The following SVEP1 variants were observed in gnomAD, a reference collection of about 807,000 sequenced individuals.
SVEP1 encodes sushi, von Willebrand factor type A, EGF and pentraxin domain containing 1, also known as sushi, von Willebrand factor type A, EGF and pentraxin domain-containing protein 1.
Under a neutral mutation model 367.3 loss-of-function variants are expected in SVEP1, and 164 were observed. The observed-to-expected ratio is 0.45, with a 90% CI of 0.39 to 0.51. The LOEUF (loss-of-function observed/expected upper bound fraction) is 0.51, where lower values mean the gene tolerates loss of function less well. Ranked by LOEUF, SVEP1 falls within the 20% of genes least tolerant of loss-of-function variation. The pLI, the probability that SVEP1 is intolerant of heterozygous loss-of-function variation, is 0.00. For missense variants in SVEP1, 4,117 were observed against 4,425.3 expected (o/e 0.93, Z 1.98); for synonymous variants, 1,666 against 1,611.6 (o/e 1.03, Z -0.81).
chr9:110,495,206 A>C (rs1468261660), intron 8 of SVEP1, among the ~76,000 whole-genome samples: 1 of 152,116 alleles, frequency 6.6e-6, no homozygotes, highest in African/African-American at 2.4e-5. Flanking sequence ...AGCACATTCA[A>C]GTTCTTCCCC....
chr9:110,489,620 A>G, intron 9 of SVEP1, 30 bp downstream of exon 9: 1 of 1,591,556 alleles, frequency 6.3e-7, no homozygotes, highest in Non-Finnish European at 8.6e-7. Context: ...TGACGTTTGG[A>G]TGGGGAAACA....
chr9:110,375,455 T>C lies in SVEP1; in HGVS notation c.10513A>G (p.Ile3505Val), dbSNP rs1588018531. 1 of 998,852 alleles carries C rather than the reference T, an allele frequency of 1.0e-6. No homozygotes were observed. The highest frequency in any genetic ancestry group is 1.4e-6 in the Non-Finnish European group (1 of 735,726). The allele number at this position is 998,852 out of a possible 1,614,324, so 61.9% of individuals were successfully genotyped here. A position where few individuals can be genotyped will look rare whatever the true frequency, so the allele number is the denominator to read the frequency against. ...MGRLCEEPIC[I>V]LPCLNGGRCV... ...CGACCTCCGTTCAGACAGGGAAGAATGCAGATTGCTAAAAAAAAAAAAAAA... is the reference window on the plus strand; with the variant it reads ...CGACCTCCGTTCAGACAGGGAAGAACGCAGATTGCTAAAAAAAAAAAAAAA... Residue 3505 changes from isoleucine (I) to valine (V), a missense_variant, in exon 46 of 48, where the codon ATT becomes GTT. Physicochemically the swap from Ile to Val is conservative, Grantham distance 29. Coordinates refer to ENST00000374469, the MANE Select transcript of SVEP1 (RefSeq NM_153366.4).
intron 47 of SVEP1, among the ~76,000 whole-genome samples, chr9:110,368,890 T>C (rs1477161155): frequency 1.3e-5 from 2 of 152,202 alleles, no homozygotes; most frequent in African/African-American, 4.8e-5. Flanking sequence ...TTTTTTGTTG[T>C]TGTTAGGTTT....
Position 110,386,054 on chromosome 9 carries a change from A to C in SVEP1, c.10081T>G (p.Phe3361Val). 1 of 1,613,620 alleles carries C rather than the reference A, an allele frequency of 6.2e-7. No homozygotes were observed. Among genetic ancestry groups the C allele is most frequent in the Non-Finnish European group, 8.5e-7 (1 of 1,179,708 alleles). Residue 3361 changes from phenylalanine (F) to valine (V), a missense_variant, in exon 43 of 48, where the codon TTT becomes GTT. By Grantham distance (50) the Phe-to-Val change is conservative. This residue lies in a region of SVEP1 where 1,765 missense variants were observed against 1,781.1 expected (regional missense o/e 0.99). Transcript: ENST00000374469. Reference protein sequence around the residue: ...LCKPNPCPVPFVIPENALLSE... With the variant: ...LCKPNPCPVPVVIPENALLSE... Reference sequence around the variant, plus strand: ...AGCAGAGCATTCTCGGGAATCACAAAAGGAACAGGGCATGGATTTGCTGTC... The same window carrying C: ...AGCAGAGCATTCTCGGGAATCACAACAGGAACAGGGCATGGATTTGCTGTC...
At chr9:110,446,152 G>C (rs1828594469) in intron 25 of SVEP1, 114 bp from the exon 26 acceptor site, 2 of 929,546 alleles carry the variant, frequency 2.2e-6, no homozygotes, top group Non-Finnish European at 3.2e-6. Context: ...GATTATCTAA[G>C]AAGCAGTTTC....
chr9:110,545,325 T>G (rs1357903741), intron 3 of SVEP1, among the ~76,000 whole-genome samples: 1 of 152,190 alleles, frequency 6.6e-6, no homozygotes, highest in East Asian at 1.9e-4. Context: ...TCTTTTTAGT[T>G]TTTTGAGGAA....
At chr9:110,541,894 GATATCTATAT>G (rs1208993117) in intron 3 of SVEP1, among the ~76,000 whole-genome samples, 2 of 140,592 alleles carry the variant, frequency 1.4e-5, no homozygotes, top group South Asian at 2.2e-4. Context: ...TATATACATA[GATATCTATAT>G]ATATCTATAT....
intron 7 of SVEP1, among the ~76,000 whole-genome samples, chr9:110,498,817 T>G (rs750564131): frequency 6.6e-6 from 1 of 152,156 alleles, no homozygotes; most frequent in Admixed American, 6.6e-5. Context: ...GCTCTACTAT[T>G]TTCCTTATTT....
At chr9:110,432,171 A>G in intron 31 of SVEP1, 137 bp from the exon 32 acceptor site, 5 of 1,087,738 alleles carry the variant, frequency 4.6e-6, no homozygotes, top group Non-Finnish European at 6.4e-6. Flanking sequence ...TAAATATAAC[A>G]GTCATAATCA....
intron 40 of SVEP1, among the ~76,000 whole-genome samples, chr9:110,390,286 CATACTTATATATACTTATATAAGTATGT>C (rs1827627109): frequency 5.0e-5 from 2 of 39,944 alleles, no homozygotes; most frequent in African/African-American, 3.5e-4. Context: ...TATATATATA[CATACTTATATATACTTATATAAGTATGT>C]GTATATATAC....
Position 110,450,192 on chromosome 9 carries a change from C to A in SVEP1, c.3970G>T (p.Asp1324Tyr). 5.6e-6 allele frequency: 9 copies of A among 1,613,884 alleles called. No homozygotes were observed. Among genetic ancestry groups the A allele is most frequent in the Non-Finnish European group, 7.6e-6 (9 of 1,179,818 alleles). Reference protein sequence around the residue: ...NPCLNNAVCEDQVGGFLCKCP... With the variant: ...NPCLNNAVCEYQVGGFLCKCP... ...TTGCACAAGAATCCCCCAACCTGGT[C>A]TTCACAGACTGCATTATTTAAGCAT... The change falls in exon 24 of 48, where the codon GAC becomes TAC. Residue 1324 changes from aspartate to tyrosine, a missense_variant. Asp to Tyr is a radical substitution (Grantham distance 160). This residue lies in a region of SVEP1 where 2,174 missense variants were observed against 2,494.3 expected (regional missense o/e 0.87). Coordinates refer to ENST00000374469, the MANE Select transcript of SVEP1 (RefSeq NM_153366.4).
chr9:110,528,177 T>TATATATAC (rs1554721453), intron 3 of SVEP1, among the ~76,000 whole-genome samples: 4 of 136,400 alleles, frequency 2.9e-5, no homozygotes, highest in African/African-American at 1.1e-4. Flanking sequence ...TATATATATA[T>TATATATAC]ATATATATAT....
intron 11 of SVEP1, among the ~76,000 whole-genome samples, chr9:110,481,703 T>C (rs1444113858): frequency 6.6e-6 from 1 of 151,620 alleles, no homozygotes; most frequent in Non-Finnish European, 1.5e-5. Context: ...CTTGGAGTTA[T>C]TATTATTATT....
chr9:110,489,282 G>A (rs142674049), intron 9 of SVEP1, among the ~76,000 whole-genome samples: 495 of 152,270 alleles, frequency 3.3e-3, no homozygotes, highest in Non-Finnish European at 5.5e-3. Context: ...AAGACTTACT[G>A]TATTAGTCTG....
chr9:110,396,348 A>T (rs1827759216), intron 40 of SVEP1, among the ~76,000 whole-genome samples: 1 of 152,070 alleles, frequency 6.6e-6, no homozygotes, highest in African/African-American at 2.4e-5. Flanking sequence ...CATTCAAAGC[A>T]GTGTGTAGAG....
intron 24 of SVEP1, 121 bp downstream of exon 24, chr9:110,449,938 C>T: frequency 8.6e-7 from 1 of 1,161,974 alleles, no homozygotes. Flanking sequence ...GTAGCCTATC[C>T]TCGGGCCAGC....
chr9:110,398,526 A>C (rs1056610295), intron 40 of SVEP1, among the ~76,000 whole-genome samples: 5 of 152,194 alleles, frequency 3.3e-5, no homozygotes, highest in Admixed American at 6.5e-5. Flanking sequence ...TCTGCACAGC[A>C]AAAGAAACTA....
Position 110,411,400 on chromosome 9 carries a change from G to T in SVEP1, c.6311C>A (p.Ala2104Asp), listed in dbSNP as rs1170802709. ...LESVSKAKFA[A>D]GSVVSFKCME... ...GCATTTAAAGCTCACAACTGAGCCA[G>T]CTGCAAATTTTGCTTTGCTCACAGA... The change falls in exon 37 of 48, where the codon GCT becomes GAT. Residue 2104 changes from alanine to aspartate, a missense_variant. By Grantham distance (126) the Ala-to-Asp change is moderately radical. Around this residue, in one of 4 missense-constraint regions of SVEP1, gnomAD observed 2,174 missense variants for 2,494.3 expected, o/e 0.87. Transcript: ENST00000374469. 2 of 1,613,892 alleles carry T rather than the reference G, an allele frequency of 1.2e-6. No homozygotes were observed. The highest frequency in any genetic ancestry group is 2.7e-5 in the African/African-American group (2 of 74,940).
chr9:110,546,189 C>G lies in SVEP1; in HGVS notation c.890G>C (p.Gly297Ala). 6.4e-7 allele frequency: 1 copy of G among 1,565,682 alleles called. No individual in the cohort carries two copies. The highest frequency in any genetic ancestry group is 8.7e-7 in the Non-Finnish European group (1 of 1,154,482). ...CCDRMGSCKC[G>A]THTGHFECIC... ...GCACTCAAAATGGCCTGTGTGTGTCCCACATTTGCAGCTTCCCATTCGGTC... is the reference window on the plus strand; with the variant it reads ...GCACTCAAAATGGCCTGTGTGTGTCGCACATTTGCAGCTTCCCATTCGGTC... The change falls in exon 3 of 48, where the codon GGG becomes GCG. Residue 297 changes from glycine (G) to alanine (A), a missense_variant. This residue lies in a region of SVEP1 where 2,174 missense variants were observed against 2,494.3 expected (regional missense o/e 0.87). Coordinates refer to ENST00000374469, the MANE Select transcript of SVEP1 (RefSeq NM_153366.4).
Sources: allele counts gnomAD v4.1 joint callset (sites outside exome capture counted in the v4.1 genomes callset), GRCh38; gene constraint gnomAD v4.1.1; regional missense constraint gnomAD v4.1.1; transcripts MANE v1.5; gene names NCBI Gene and HGNC (gene_info 2026-07-23, HGNC 2026-07-21).